Variants in POM121 observed in about 807,000 individuals in gnomAD.
POM121 encodes the protein nuclear envelope pore membrane protein POM 121.
POM121 carries 32 observed loss-of-function variants against 81.3 expected under a neutral mutation model. The observed-to-expected ratio is 0.39, with a 90% CI of 0.30 to 0.53. POM121 has a LOEUF of 0.53. Ranked by LOEUF, POM121 falls within the 20% of genes least tolerant of loss-of-function variation. The probability of loss-of-function intolerance (pLI) is 0.66; values close to 1 mark genes in which losing one functional copy is unlikely to be tolerated. For synonymous variants in POM121, 514 were observed against 694.2 expected (o/e 0.74, Z 4.08); for missense variants, 1,138 against 1,614.6 (o/e 0.70, Z 5.06).
At chr7:72,931,657 G>A (rs559326115) in intron 5 of POM121, among the ~76,000 whole-genome samples, 8 of 150,030 alleles carry the variant, frequency 5.3e-5, no homozygotes, top group African/African-American at 9.8e-5. Flanking sequence ...TGCAATCTCC[G>A]CTTCCTGAGT....
chr7:72,944,500 T>C (rs1554502716), intron 11 of POM121, among the ~76,000 whole-genome samples: 4 of 152,056 alleles, frequency 2.6e-5, no homozygotes, highest in Non-Finnish European at 5.9e-5. Context: ...AGGCAGTTTG[T>C]GGGCTGGAAA....
In POM121 at chr7:72,938,620, C is replaced by G. The variant is rs1486722846; in HGVS notation, c.1306C>G (p.Pro436Ala). 1 of 1,613,878 alleles carries G rather than the reference C, an allele frequency of 6.2e-7. No individual in the cohort carries two copies. Among genetic ancestry groups the G allele is most frequent in the Admixed American group, 1.7e-5 (1 of 59,998 alleles). The stretch of plus-strand genomic sequence containing the variant: ...GAAGAGAAATGGCCCCAGTTCATCA[C>G]CCTTCTCTAGCCCAGCCTCCTCCCG... ...LWKRNGPSSS[P>A]FSSPASSRSQ... Residue 436 changes from proline to alanine, a missense_variant, in exon 6 of 13, where the codon CCC (proline) becomes GCC (alanine). This residue lies in a region of POM121 where 646 missense variants were observed against 633.5 expected (regional missense o/e 1.02). Transcript: ENST00000434423.
intron 6 of POM121, 136 bp downstream of exon 6, chr7:72,938,817 T>G (rs2429272): frequency 1.0e-6 from 1 of 998,058 alleles, no homozygotes; most frequent in South Asian, 1.4e-5. Context: ...CCCTGAGAGG[T>G]ACAATGCAGT....
intron 4 of POM121, among the ~76,000 whole-genome samples, chr7:72,914,809 C>G (rs1554494873): frequency 6.6e-6 from 1 of 152,122 alleles, no homozygotes; most frequent in Non-Finnish European, 1.5e-5. Flanking sequence ...CAGTTGGTGT[C>G]TGTGTGCCTG....
chr7:72,906,871 C>T (rs1192332514), intron 3 of POM121, among the ~76,000 whole-genome samples: 2 of 151,670 alleles, frequency 1.3e-5, no homozygotes, highest in Non-Finnish European at 2.9e-5. Flanking sequence ...CAAGTGATTC[C>T]CCCCGCCTCG....
In POM121 at chr7:72,946,125, G is replaced by C. The variant is rs782402483; in HGVS notation, c.3653-12G>C. The C allele has an allele frequency of 3.1e-6, 5 of 1,611,420 alleles. No individual in the cohort carries two copies. In the South Asian group the frequency reaches 4.4e-5, roughly 14 times the overall value. On this transcript the variant is annotated splice_polypyrimidine_tract_variant and intron_variant, in intron 12 of 12. Coordinates refer to ENST00000434423, the MANE Select transcript of POM121 (RefSeq NM_001387691.1). ...GCAGCTGCCCTGATGAGGTCTTGTT[G>C]AATCTTTCCAGGATCGGCGGCCCTT...
chr7:72,887,394 TCTCCTCACATCTGC>T (rs1382639594), intron 1 of POM121, among the ~76,000 whole-genome samples: 1 of 152,116 alleles, frequency 6.6e-6, no homozygotes, highest in African/African-American at 2.4e-5. Context: ...CACAACTCTT[TCTCCTCACATCTGC>T]CTCGGTTCTT....
chr7:72,906,880 C>T (rs193302718), intron 3 of POM121, among the ~76,000 whole-genome samples: 1 of 151,920 alleles, frequency 6.6e-6, no homozygotes, highest in African/African-American at 2.4e-5. Flanking sequence ...CCCCCCGCCT[C>T]GGCCCCCTAA....
intron 4 of POM121, among the ~76,000 whole-genome samples, chr7:72,917,739 A>G (rs1794419954): frequency 6.6e-6 from 1 of 152,240 alleles, no homozygotes; most frequent in Non-Finnish European, 1.5e-5. Flanking sequence ...GAGAGAGTGT[A>G]GAAAGAAAGA....
At chr7:72,926,727 C>G (rs1368354265) in intron 2 of POM121, 75 bp from the exon 3 acceptor site, 1 of 1,556,932 alleles carries the variant, frequency 6.4e-7, no homozygotes, top group African/African-American at 1.4e-5. Flanking sequence ...CTTCTGATTT[C>G]TTGTTTCTGA....
At chr7:72,922,101 A>G (rs1794866455), upstream of POM121, among the ~76,000 whole-genome samples, 1 of 152,130 alleles carries the variant, frequency 6.6e-6, no homozygotes, top group Non-Finnish European at 1.5e-5. Context: ...ATGAGTGCAA[A>G]ATCCTGTTAC....
chr7:72,934,469 C>CA (rs1796323244), intron 5 of POM121, among the ~76,000 whole-genome samples: 1 of 152,070 alleles, frequency 6.6e-6, no homozygotes, highest in South Asian at 2.1e-4. Flanking sequence ...TGTGTTGCAA[C>CA]AAAAAAGTGT....
chr7:72,896,722 T>C (rs1412127595), intron 3 of POM121, among the ~76,000 whole-genome samples: 5 of 150,752 alleles, frequency 3.3e-5, no homozygotes, highest in Non-Finnish European at 5.9e-5. Flanking sequence ...TTCTAAACTA[T>C]TTTTGGCCAT....
At chr7:72,950,411 G>C (rs1353261273), downstream of POM121, 7 of 574,790 alleles carry the variant, frequency 1.2e-5, no homozygotes, top group African/African-American at 1.9e-5. Context: ...GGGAGCCTGG[G>C]CAAGTGATTC....
At chr7:72,941,098 C>T (rs1209898312) in intron 10 of POM121, 105 bp downstream of exon 10, 7 of 1,046,090 alleles carry the variant, frequency 6.7e-6, no homozygotes, top group African/African-American at 3.2e-5. Context: ...GCTCTGCAGG[C>T]CGAACGCACC....
intron 4 of POM121, 62 bp from the exon 5 acceptor site, chr7:72,929,878 G>A (rs1586158006): frequency 1.3e-6 from 2 of 1,496,066 alleles, no homozygotes; most frequent in East Asian, 4.6e-5. Flanking sequence ...TCATGACCGT[G>A]GATGAAATCG....
At position 72,925,520 on chromosome 7, in the gene POM121, ACTG is replaced by A; in HGVS notation, c.402_404del (p.Leu136del). ...TGCTCGAAGGACCTGACCCTGCGGA[ACTG>A]CTACTCATGGGCAGTTACCTGGGCA... On this transcript the variant is annotated inframe_deletion, in exon 1 of 13. Transcript: ENST00000434423. 1 of 1,532,514 alleles carries A rather than the reference ACTG, an allele frequency of 6.5e-7. No homozygotes were observed. The highest frequency in any genetic ancestry group is 8.7e-7 in the Non-Finnish European group (1 of 1,145,924). 94.9% of individuals were successfully genotyped at this position (1,532,514 alleles called of 1,614,324 possible).
intron 3 of POM121, among the ~76,000 whole-genome samples, chr7:72,907,045 G>GT (rs559296631): frequency 2.6e-5 from 4 of 151,900 alleles, no homozygotes; most frequent in East Asian, 1.9e-4. Flanking sequence ...TTCCCTCTGG[G>GT]TTTTTTTATA....
At chr7:72,905,854 T>C (rs1426933712) in intron 3 of POM121, among the ~76,000 whole-genome samples, 1 of 152,232 alleles carries the variant, frequency 6.6e-6, no homozygotes, top group African/African-American at 2.4e-5. Context: ...CTGTATTGTT[T>C]GCTGATTTTC....
Sources: allele counts gnomAD v4.1 joint callset (sites outside exome capture counted in the v4.1 genomes callset), GRCh38; gene constraint gnomAD v4.1.1; regional missense constraint gnomAD v4.1.1; transcripts MANE v1.5; gene names NCBI Gene and HGNC (gene_info 2026-07-23, HGNC 2026-07-21).